Variants in ZFYVE28 observed in about 807,000 individuals in gnomAD.
ZFYVE28 encodes lateral signaling target protein 2 homolog.
A neutral mutation model predicts 82.1 loss-of-function variants in ZFYVE28; 40 were observed. The ratio of observed to expected loss-of-function variants is 0.49; its 90% CI spans 0.38 to 0.63. The LOEUF (loss-of-function observed/expected upper bound fraction) is 0.63, where lower values mean the gene tolerates loss of function less well. ZFYVE28 is among the 30% of genes least tolerant of loss of function. The pLI is 0.00. For missense variants in ZFYVE28, 1,321 were observed against 1,242.1 expected, an observed-to-expected ratio of 1.06 and a Z score of -0.96; for synonymous variants, 612 against 546.1, an observed-to-expected ratio of 1.12 and a Z score of -1.68.
intron 7 of ZFYVE28, chr4:2,307,218 T>C (rs147662784): frequency 6.6e-6 from 1 of 152,370 alleles, no homozygotes; most frequent in East Asian, 1.9e-4. Context: ...AAGTTCCTGT[T>C]CAAGCTTTTT....
At position 2,270,297 on chromosome 4, in the gene ZFYVE28, C is replaced by T; in HGVS notation, c.*428G>A. Reference sequence around the variant, plus strand: ...GAGGCACATAGGGAGCCCTGCTGTGCCAAAGAGCCTGTGGAGTGGCCCTTG... The same window carrying T: ...GAGGCACATAGGGAGCCCTGCTGTGTCAAAGAGCCTGTGGAGTGGCCCTTG... On this transcript the variant is annotated 3_prime_UTR_variant, in exon 13 of 13. Transcript: ENST00000290974. The T allele has an allele frequency of 4.8e-6, 1 of 209,110 alleles. No homozygotes were observed. Among genetic ancestry groups the T allele is most frequent in the Non-Finnish European group, 9.8e-6 (1 of 102,358 alleles). The allele number at this position is 209,110 out of a possible 1,614,324, so 13.0% of individuals were successfully genotyped here.
rs1246434723 is a variant in ZFYVE28 at position 2,409,699 on chromosome 4, G to C, written c.39+8586C>G. Among the ~76,000 whole-genome samples, 1 of 152,246 alleles carries C rather than the reference G, an allele frequency of 6.6e-6. No homozygotes were observed. Among genetic ancestry groups the C allele is most frequent in the Non-Finnish European group, 1.5e-5 (1 of 68,044 alleles). ...GTCCAGTACACCCACGGTGGGGTGGGGGGGCTGACCCCTGCGGGCAGCTCT... is the reference window on the plus strand; with the variant it reads ...GTCCAGTACACCCACGGTGGGGTGGCGGGGCTGACCCCTGCGGGCAGCTCT... On this transcript the variant is annotated intron_variant, in intron 1 of 12. Coordinates refer to ENST00000290974, the MANE Select transcript of ZFYVE28 (RefSeq NM_020972.3). This position sits in a 1 kb window ranked among gnomAD's most constrained non-coding sequence, Gnocchi z 4.4.
Position 2,417,808 on chromosome 4 carries a change from G to C in ZFYVE28, c.39+477C>G, listed in dbSNP as rs1309032276. Among the ~76,000 whole-genome samples, 2 of 151,812 alleles carry C rather than the reference G, an allele frequency of 1.3e-5. No homozygotes were observed. Among genetic ancestry groups the C allele is most frequent in the African/African-American group, 2.4e-5 (1 of 41,234 alleles). On this transcript the variant is annotated intron_variant, in intron 1 of 12. Transcript: ENST00000290974. The surrounding 1 kb of genome is among the most constrained non-coding windows in gnomAD (Gnocchi z 4.8). ...GGGGAGAGGGTCTGTTCTGGAGTGC[G>C]GAGGGAGATCTATTCCGGGCCCAGG...
intron 1 of ZFYVE28, 42 bp from the exon 2 acceptor site, chr4:2,354,115 T>C: frequency 1.4e-6 from 2 of 1,444,940 alleles, no homozygotes; most frequent in Middle Eastern, 1.8e-4. Context: ...GGTGGGGAAC[T>C]GGAGGGGATG....
At chr4:2,357,243 C>T (rs1725461973) in intron 1 of ZFYVE28, among the ~76,000 whole-genome samples, 1 of 152,206 alleles carries the variant, frequency 6.6e-6, no homozygotes. Context: ...CGCCAGCTTC[C>T]CCTCCCCTAG....
chr4:2,311,238 T>C (rs1717427672), intron 7 of ZFYVE28, among the ~76,000 whole-genome samples: 1 of 152,134 alleles, frequency 6.6e-6, no homozygotes, highest in Non-Finnish European at 1.5e-5. Flanking sequence ...AATAACTAAC[T>C]TTTGGGGCCT....
At chr4:2,275,829 C>A (rs1736378043) in intron 8 of ZFYVE28, among the ~76,000 whole-genome samples, 1 of 152,258 alleles carries the variant, frequency 6.6e-6, no homozygotes, top group African/African-American at 2.4e-5. Context: ...CGTCTGTCTG[C>A]AGAGATGCAG....
Position 2,341,322 on chromosome 4 carries a change from C to G in ZFYVE28, c.318+156G>C, listed in dbSNP as rs1434610677. ...GATCCTCCAGGGGTGCACGGCCTAC[C>G]AGGCTCAGACCACACCACGTAACCC... On this transcript the variant is annotated intron_variant, in intron 3 of 12. Coordinates refer to ENST00000290974, the MANE Select transcript of ZFYVE28 (RefSeq NM_020972.3). This position sits in a 1 kb window ranked among gnomAD's most constrained non-coding sequence, Gnocchi z 4.5. 2 of 1,023,706 alleles carry G rather than the reference C, an allele frequency of 2.0e-6. No homozygotes were observed. Among genetic ancestry groups the G allele is most frequent in the Non-Finnish European group, 1.4e-6 (1 of 701,962 alleles). 63.4% of individuals were successfully genotyped at this position (1,023,706 alleles called of 1,614,324 possible). A position where few individuals can be genotyped will look rare whatever the true frequency, so the allele number is the denominator to read the frequency against.
chr4:2,337,567 G>T (rs1303466971), intron 4 of ZFYVE28, 71 bp from the exon 5 acceptor site: 5 of 1,267,962 alleles, frequency 3.9e-6, no homozygotes, highest in Non-Finnish European at 5.5e-6. Context: ...AGAGTGGGGG[G>T]CATCTTCAAT....
intron 8 of ZFYVE28, among the ~76,000 whole-genome samples, chr4:2,276,237 G>A (rs1314568679): frequency 6.6e-6 from 1 of 152,254 alleles, no homozygotes; most frequent in Non-Finnish European, 1.5e-5. Flanking sequence ...GCCGGAACGT[G>A]GGAGCACGGT....
In ZFYVE28 at chr4:2,346,468, T is replaced by C. The variant is rs182242292; in HGVS notation, c.181-4853A>G. Among the ~76,000 whole-genome samples the C allele has an allele frequency of 3.2e-3, 493 of 152,096 alleles. 3 individuals are homozygous for C. The highest frequency in any genetic ancestry group is 0.011 in the African/African-American group (457 of 41,510). ...GGAAATGGTGACTACATGGTAAATA[T>C]ACAAGATCCTTTTTTACTATTTAAT... On this transcript the variant is annotated intron_variant, in intron 2 of 12. Transcript: ENST00000290974.
intron 1 of ZFYVE28, among the ~76,000 whole-genome samples, chr4:2,395,819 G>A (rs966830565): frequency 1.3e-5 from 2 of 152,194 alleles, no homozygotes; most frequent in African/African-American, 4.8e-5. Context: ...AGGCTCACAG[G>A]AGGCGGCGGG....
In ZFYVE28 at chr4:2,408,970, C is replaced by T. The variant is rs1732224900; in HGVS notation, c.39+9315G>A. Among the ~76,000 whole-genome samples, 1 of 152,220 alleles carries T rather than the reference C, an allele frequency of 6.6e-6. No individual in the cohort carries two copies. The highest frequency in any genetic ancestry group is 2.1e-4 in the South Asian group (1 of 4,836). On this transcript the variant is annotated intron_variant, in intron 1 of 12. Coordinates refer to ENST00000290974, the MANE Select transcript of ZFYVE28 (RefSeq NM_020972.3). This position sits in a 1 kb window ranked among gnomAD's most constrained non-coding sequence, Gnocchi z 4.3. The stretch of plus-strand genomic sequence containing the variant: ...TTTCTGGCACTAGGGGTTACACCTT[C>T]TCTCTTGCCAGCTCAGTACTTTTAA...
intron 1 of ZFYVE28, among the ~76,000 whole-genome samples, chr4:2,390,748 C>T (rs1161264003): frequency 1.3e-5 from 2 of 152,160 alleles, no homozygotes; most frequent in Non-Finnish European, 2.9e-5. Flanking sequence ...TTATGATAAG[C>T]GTGTATTGCA....
At chr4:2,400,120 T>C (rs1463982661) in intron 1 of ZFYVE28, among the ~76,000 whole-genome samples, 2 of 152,218 alleles carry the variant, frequency 1.3e-5, no homozygotes, top group Non-Finnish European at 2.9e-5. Context: ...AGAGCTCCAG[T>C]GGCATCGAGA....
At chr4:2,299,081 A>C (rs1262076251) in intron 8 of ZFYVE28, among the ~76,000 whole-genome samples, 1 of 152,258 alleles carries the variant, frequency 6.6e-6, no homozygotes, top group East Asian at 1.9e-4. Flanking sequence ...GCAAATCAAA[A>C]GACATTCAAA....
At chr4:2,385,639 C>G (rs1729181155) in intron 1 of ZFYVE28, among the ~76,000 whole-genome samples, 1 of 152,248 alleles carries the variant, frequency 6.6e-6, no homozygotes, top group South Asian at 2.1e-4. Context: ...CCTTTGCCCT[C>G]AGGGCTGACC....
chr4:2,385,074 C>A (rs564624713), intron 1 of ZFYVE28, among the ~76,000 whole-genome samples: 2 of 152,198 alleles, frequency 1.3e-5, no homozygotes, highest in Non-Finnish European at 1.5e-5. Context: ...GCTGGCCTGA[C>A]CTGCCCAGGA....
chr4:2,303,715 G>A (rs1285035350), intron 8 of ZFYVE28, among the ~76,000 whole-genome samples: 13 of 152,068 alleles, frequency 8.5e-5, no homozygotes, highest in African/African-American at 3.1e-4. Context: ...GTCCTGGGAG[G>A]GGCAGAGGCC....
Sources: gnomAD v4.1 joint callset for allele counts (sites outside exome capture counted in the v4.1 genomes callset) on GRCh38, gnomAD v4.1.1 for gene constraint, Gnocchi (gnomAD v3.1) non-coding constraint, MANE v1.5 for transcripts, NCBI Gene and HGNC (gene_info 2026-07-23, HGNC 2026-07-21) for gene names.